The following TRDN variants were observed in gnomAD, a reference collection of about 807,000 sequenced individuals.
TRDN encodes the protein triadin in skeletal muscle.
In TRDN, 161 loss-of-function variants were observed where a neutral mutation model predicts 149.7. The observed-to-expected ratio is 1.08, with a 90% CI of 0.95 to 1.23. The LOEUF is 1.23. Among genes scored for constraint, TRDN ranks in the 50% most tolerant of loss-of-function variants. The probability of loss-of-function intolerance (pLI) is 0.00; values close to 1 mark genes in which losing one functional copy is unlikely to be tolerated. For missense variants in TRDN, 896 were observed against 823.5 expected (o/e 1.09, Z -1.08); for synonymous variants, 294 against 250.5 (o/e 1.17, Z -1.64).
At chr6:123,241,276 A>G (rs1184688547) in intron 38 of TRDN, among the ~76,000 whole-genome samples, 2 of 151,228 alleles carry the variant, frequency 1.3e-5, no homozygotes, top group Non-Finnish European at 3.0e-5. Context: ...GACAAATATG[A>G]TGCTTTAGTT....
At position 123,547,350 on chromosome 6, in the gene TRDN, CA is replaced by C; in HGVS notation, c.413del (p.Leu138Ter). 6.8e-7 allele frequency: 1 copy of C among 1,460,588 alleles called. No individual in the cohort carries two copies. Among genetic ancestry groups the C allele is most frequent in the Non-Finnish European group, 9.1e-7 (1 of 1,100,406 alleles). The allele number at this position is 1,460,588 out of a possible 1,614,324, so 90.5% of individuals were successfully genotyped here. Reference protein sequence around the residue: ...TDKGEIDEPPLRKKEIHKDKT... With the variant: ...TDKGEIDEPPXRKKEIHKDKT... ...GTGAAAACAACTAACCTTTTTTTCT[CA>C]AGGGAGGCTCATCTATTTCTCCTAG... is the stretch of plus-strand genomic sequence containing the variant. On this transcript the variant is annotated frameshift_variant, in exon 4 of 41. Coordinates refer to ENST00000334268, the MANE Select transcript of TRDN (RefSeq NM_006073.4). LOFTEE classifies it high-confidence loss of function.
intron 15 of TRDN, 117 bp downstream of exon 15, chr6:123,382,001 T>C (rs1285795118): frequency 9.2e-6 from 5 of 545,894 alleles, no homozygotes; most frequent in African/African-American, 8.4e-5. Context: ...ATCTCAATCA[T>C]TTTTTCTTCT....
intron 24 of TRDN, among the ~76,000 whole-genome samples, chr6:123,290,775 CT>C (rs1777982485): frequency 1.3e-5 from 2 of 152,002 alleles, no homozygotes; most frequent in African/African-American, 2.4e-5. Context: ...TAATTTTTGT[CT>C]AATTTGGAAG....
intron 26 of TRDN, among the ~76,000 whole-genome samples, chr6:123,277,904 C>A (rs1777431796): frequency 6.6e-6 from 1 of 152,284 alleles, no homozygotes; most frequent in Non-Finnish European, 1.5e-5. Context: ...GTGTTCAGAA[C>A]CAGACAGTTG....
chr6:123,334,798 C>T (rs79672185), intron 22 of TRDN, among the ~76,000 whole-genome samples: 1 of 152,072 alleles, frequency 6.6e-6, no homozygotes, highest in South Asian at 2.1e-4. Flanking sequence ...CCCCCAGTGA[C>T]TCATGGTTAT....
chr6:123,617,297 A>G (rs1390214082), intron 1 of TRDN, among the ~76,000 whole-genome samples: 1 of 152,198 alleles, frequency 6.6e-6, no homozygotes, highest in East Asian at 1.9e-4. Context: ...TATGTATTAT[A>G]TATTGCATGT....
At chr6:123,302,481 A>G (rs975823166) in intron 24 of TRDN, among the ~76,000 whole-genome samples, 1 of 152,094 alleles carries the variant, frequency 6.6e-6, no homozygotes, top group African/African-American at 2.4e-5. Flanking sequence ...AAGTCCAGAA[A>G]TCACCCATCA....
At chr6:123,280,077 A>C (rs1294759610) in intron 24 of TRDN, among the ~76,000 whole-genome samples, 1 of 152,194 alleles carries the variant, frequency 6.6e-6, no homozygotes, top group African/African-American at 2.4e-5. Context: ...GGAGAAAGTT[A>C]CAAGGCCTTA....
Position 123,353,188 on chromosome 6 carries a change from C to T in TRDN, c.1322-602G>A, listed in dbSNP as rs973550077. ...ACAGTACAAATGATTCATTTGGAAT[C>T]AGTGCACTCCATTGAAAGAATTGAT... On this transcript the variant is annotated intron_variant, in intron 20 of 40. Coordinates refer to ENST00000334268, the MANE Select transcript of TRDN (RefSeq NM_006073.4). 2.6e-5 allele frequency among the ~76,000 whole-genome samples: 4 copies of T among 151,712 alleles called. No individual in the cohort carries two copies. In the South Asian group the frequency reaches 6.2e-4, roughly 24 times the overall value.
chr6:123,596,722 G>A (rs1393785546), intron 1 of TRDN, among the ~76,000 whole-genome samples: 1 of 152,010 alleles, frequency 6.6e-6, no homozygotes, highest in African/African-American at 2.4e-5. Flanking sequence ...CTCTATCAGT[G>A]GAACAACAGT....
intron 11 of TRDN, among the ~76,000 whole-genome samples, chr6:123,438,575 C>A (rs1774712842): frequency 6.6e-6 from 1 of 152,102 alleles, no homozygotes; most frequent in East Asian, 1.9e-4. Flanking sequence ...ACAAACCAAT[C>A]AAGTATTTTC....
At position 123,512,313 on chromosome 6, in the gene TRDN, T is replaced by C. The variant is rs758701739; in HGVS notation, c.600A>G (p.Thr200=). ...AAATTGAAAAGTTACCTTTCGCCAG[T>C]GTCTTTGTTTCTGGTTTTTCTTTTT... ...IEKKEKPETK[T]LAKEQKKAKT... Residue 200 remains threonine (T), a synonymous_variant, in exon 7 of 41, where the codon ACA becomes ACG. Transcript: ENST00000334268. 6 of 1,493,496 alleles carry C rather than the reference T, an allele frequency of 4.0e-6. No individual in the cohort carries two copies. In the Admixed American group the frequency reaches 5.6e-5, roughly 14 times the overall value. The allele number at this position is 1,493,496 out of a possible 1,614,324, so 92.5% of individuals were successfully genotyped here.
intron 20 of TRDN, among the ~76,000 whole-genome samples, chr6:123,358,484 TA>T (rs1780773826): frequency 6.6e-6 from 1 of 151,898 alleles, no homozygotes; most frequent in Non-Finnish European, 1.5e-5. Flanking sequence ...TTTTTTTTTT[TA>T]TGGAGTTTTG....
At position 123,402,553 on chromosome 6, in the gene TRDN, T is replaced by C. The variant is rs558935856; in HGVS notation, c.1052-8876A>G. The stretch of plus-strand genomic sequence containing the variant: ...TAAAAGTAAATTATGGTCAAAATAA[T>C]TGACCCTGAAATCTCAGCAAATAAG... On this transcript the variant is annotated intron_variant, in intron 12 of 40. Transcript: ENST00000334268. Among the ~76,000 whole-genome samples, 162 of 152,358 alleles carry C rather than the reference T, an allele frequency of 1.1e-3. 1 individual carries two copies. Among genetic ancestry groups the C allele is most frequent in the South Asian group, 5.4e-3 (26 of 4,828 alleles).
At chr6:123,478,587 T>A (rs1415043092) in intron 9 of TRDN, among the ~76,000 whole-genome samples, 1 of 152,206 alleles carries the variant, frequency 6.6e-6, no homozygotes, top group East Asian at 1.9e-4. Context: ...GTTTTTATTT[T>A]AGTACAAAGA....
intron 16 of TRDN, 27 bp from the exon 17 acceptor site, chr6:123,377,925 T>G (rs761792603): frequency 2.2e-6 from 3 of 1,377,666 alleles, no homozygotes; most frequent in Admixed American, 2.3e-5. Context: ...TTGTTATTAT[T>G]ATTATCGTTA....
intron 1 of TRDN, among the ~76,000 whole-genome samples, chr6:123,620,476 AC>A (rs1785325979): frequency 6.6e-6 from 1 of 152,110 alleles, no homozygotes; most frequent in African/African-American, 2.4e-5. Flanking sequence ...ATACATTTTG[AC>A]CCAAATCAAA....
chr6:123,429,846 G>A (rs894015127), intron 12 of TRDN, among the ~76,000 whole-genome samples: 14 of 152,066 alleles, frequency 9.2e-5, no homozygotes, highest in East Asian at 1.9e-4. Context: ...TTTATCTAAC[G>A]TGTGCAAGAC....
intron 1 of TRDN, among the ~76,000 whole-genome samples, chr6:123,576,222 T>A (rs552567693): frequency 2.6e-4 from 39 of 152,252 alleles, no homozygotes; most frequent in Non-Finnish European, 2.9e-5. Flanking sequence ...GAAATTCAAG[T>A]GGAAAGACAT....
Sources: gnomAD v4.1 joint callset for allele counts (sites outside exome capture counted in the v4.1 genomes callset) on GRCh38, gnomAD v4.1.1 for gene constraint, MANE v1.5 for transcripts, NCBI Gene and HGNC (gene_info 2026-07-23, HGNC 2026-07-21) for gene names.